The following SPOCK3 variants were observed in gnomAD, a reference collection of about 807,000 sequenced individuals.
SPOCK3 encodes the protein testican-3.
SPOCK3 carries 30 observed loss-of-function variants against 56.6 expected under a neutral mutation model. That is an observed-to-expected ratio of 0.53 (90% CI 0.40 to 0.72). The LOEUF (loss-of-function observed/expected upper bound fraction) is 0.72. Among genes scored for constraint, SPOCK3 ranks in the 30% least tolerant of loss-of-function variants. The pLI, the probability that SPOCK3 is intolerant of heterozygous loss-of-function variation, is 0.00. For synonymous variants in SPOCK3, 196 were observed against 183.3 expected (o/e 1.07, Z -0.56); for missense variants, 527 against 530.0 (o/e 0.99, Z 0.06).
chr4:167,143,672 A>G (rs1671087450), intron 2 of SPOCK3, among the ~76,000 whole-genome samples: 4 of 151,960 alleles, frequency 2.6e-5, no homozygotes, highest in South Asian at 2.1e-4. Flanking sequence ...AGCATCTTAT[A>G]CAAAAAATAC....
intron 2 of SPOCK3, among the ~76,000 whole-genome samples, chr4:167,199,583 T>A (rs150692305): frequency 1.1e-3 from 164 of 151,864 alleles, no homozygotes; most frequent in African/African-American, 3.7e-3. Context: ...TCTACTCAGT[T>A]CTCTCGCCTT....
chr4:166,794,210 CAAAAAAAAAAAAAA>C, intron 6 of SPOCK3, among the ~76,000 whole-genome samples: 1 of 73,626 alleles, frequency 1.4e-5, no homozygotes, highest in Non-Finnish European at 2.5e-5. Context: ...GGTGATAAGG[CAAAAAAAAAAAAAA>C]AAAAAAAAAA....
At chr4:166,957,084 T>A (rs1743581334) in intron 4 of SPOCK3, among the ~76,000 whole-genome samples, 1 of 152,060 alleles carries the variant, frequency 6.6e-6, no homozygotes, top group South Asian at 2.1e-4. Flanking sequence ...TGAAACTCTG[T>A]CTCTACGAAA....
chr4:167,230,636 CT>C (rs2111173663), intron 2 of SPOCK3, among the ~76,000 whole-genome samples: 1 of 151,956 alleles, frequency 6.6e-6, no homozygotes, highest in Non-Finnish European at 1.5e-5. Flanking sequence ...GTTCTATCTA[CT>C]GTACTTATGT....
chr4:167,048,110 G>A (rs1488651358), intron 3 of SPOCK3, among the ~76,000 whole-genome samples: 1 of 151,916 alleles, frequency 6.6e-6, no homozygotes, highest in Non-Finnish European at 1.5e-5. Context: ...AAAGTTATAG[G>A]AAGTGTATAA....
intron 8 of SPOCK3, 134 bp from the exon 9 acceptor site, chr4:166,742,193 T>C: frequency 1.6e-6 from 1 of 618,990 alleles, no homozygotes; most frequent in South Asian, 1.9e-5. Flanking sequence ...GGTTTACTTA[T>C]AAAGATACAT....
At chr4:166,919,439 C>T (rs1372291768) in intron 4 of SPOCK3, among the ~76,000 whole-genome samples, 1 of 152,126 alleles carries the variant, frequency 6.6e-6, no homozygotes, top group Non-Finnish European at 1.5e-5. Context: ...CTGAAGGCAT[C>T]AATAAACTCT....
At chr4:167,208,648 G>T (rs1734578184) in intron 2 of SPOCK3, among the ~76,000 whole-genome samples, 2 of 151,340 alleles carry the variant, frequency 1.3e-5, no homozygotes, top group Non-Finnish European at 1.5e-5. Flanking sequence ...GCACATTTTT[G>T]ATAACATATT....
At chr4:167,230,445 C>G (rs1737040500) in intron 2 of SPOCK3, among the ~76,000 whole-genome samples, 1 of 150,432 alleles carries the variant, frequency 6.6e-6, no homozygotes, top group Non-Finnish European at 1.5e-5. Flanking sequence ...CCACAATTTT[C>G]CCACTGAGGA....
At chr4:167,117,966 G>A (rs1205166605) in intron 2 of SPOCK3, among the ~76,000 whole-genome samples, 2 of 152,132 alleles carry the variant, frequency 1.3e-5, no homozygotes, top group African/African-American at 2.4e-5. Flanking sequence ...ACAGTGAGAG[G>A]AAATGGCACC....
intron 5 of SPOCK3, among the ~76,000 whole-genome samples, chr4:166,893,741 T>A (rs1275189022): frequency 2.0e-5 from 3 of 152,174 alleles, no homozygotes; most frequent in African/African-American, 7.2e-5. Flanking sequence ...ATATGGAATG[T>A]CATGAGTCAC....
At position 167,217,191 on chromosome 4, in the gene SPOCK3, C is replaced by T. The variant is rs150236778; in HGVS notation, c.189+16794G>A. On this transcript the variant is annotated intron_variant, in intron 2 of 10. Coordinates refer to ENST00000357545, the MANE Select transcript of SPOCK3 (RefSeq NM_001040159.2). The stretch of plus-strand genomic sequence containing the variant: ...TAAATAATAATTTGAATATCCTTAA[C>T]AAGTTGGACAATTTTATTTACAAGG... Among the ~76,000 whole-genome samples, 577 of 152,014 alleles carry T rather than the reference C, an allele frequency of 3.8e-3. 2 individuals carry two copies. The highest frequency in any genetic ancestry group is 0.013 in the African/African-American group (537 of 41,472).
chr4:167,179,403 G>A (rs1341330052), intron 2 of SPOCK3, among the ~76,000 whole-genome samples: 4 of 152,070 alleles, frequency 2.6e-5, no homozygotes, highest in Non-Finnish European at 5.9e-5. Context: ...CCCAGGGCAG[G>A]CACATGCACA....
At chr4:166,853,844 T>C (rs1730383470) in intron 6 of SPOCK3, among the ~76,000 whole-genome samples, 3 of 151,308 alleles carry the variant, frequency 2.0e-5, no homozygotes. Context: ...ATCACATCAC[T>C]GCACTCCACC....
At chr4:166,879,001 C>T (rs1485958491) in intron 6 of SPOCK3, among the ~76,000 whole-genome samples, 1 of 151,902 alleles carries the variant, frequency 6.6e-6, no homozygotes, top group Non-Finnish European at 1.5e-5. Context: ...TTAATCTAGC[C>T]CTTTTACTTT....
chr4:166,872,767 TGA>T (rs1579494944), intron 6 of SPOCK3, among the ~76,000 whole-genome samples: 1 of 152,148 alleles, frequency 6.6e-6, no homozygotes, highest in Non-Finnish European at 1.5e-5. Context: ...ACAGAATACC[TGA>T]GATTGGACAG....
Position 166,946,172 on chromosome 4 carries a change from AAC to A in SPOCK3, c.351-33431_351-33430del, listed in dbSNP as rs1296060660. Among the ~76,000 whole-genome samples the A allele has an allele frequency of 5.8e-4, 89 of 152,214 alleles. 3 individuals carry two copies. The South Asian group carries it at 0.018, about 30-fold the overall frequency. The stretch of plus-strand genomic sequence containing the variant: ...AAAATGTCCCAGTTTGGAGAGTAAT[AAC>A]TTACTCTCCAAACCCCCACATCTTA... On this transcript the variant is annotated intron_variant, in intron 4 of 10. Transcript: ENST00000357545.
intron 7 of SPOCK3, among the ~76,000 whole-genome samples, chr4:166,783,388 T>C (rs1361044776): frequency 1.3e-5 from 2 of 151,944 alleles, no homozygotes; most frequent in Non-Finnish European, 2.9e-5. Flanking sequence ...TGGAAAACCA[T>C]ATAACTCAGG....
chr4:167,111,045 A>G (rs1304864277), intron 2 of SPOCK3, among the ~76,000 whole-genome samples: 1 of 152,014 alleles, frequency 6.6e-6, no homozygotes, highest in African/African-American at 2.4e-5. Flanking sequence ...AAAAAAAGAA[A>G]TATAATTTAA....
Sources: gnomAD v4.1 joint callset for allele counts (sites outside exome capture counted in the v4.1 genomes callset) on GRCh38, gnomAD v4.1.1 for gene constraint, MANE v1.5 for transcripts, NCBI Gene and HGNC (gene_info 2026-07-23, HGNC 2026-07-21) for gene names.